NOL4: variants seen among roughly 807,000 people sequenced by gnomAD.
NOL4 encodes the protein cancer/testis antigen 125.
NOL4 carries 17 observed loss-of-function variants against 75.9 expected under a neutral mutation model. That is an observed-to-expected ratio of 0.22 (90% CI 0.15 to 0.34). The LOEUF is 0.34. NOL4 is among the 10% of genes least tolerant of loss of function. The pLI, the probability that NOL4 is intolerant of heterozygous loss-of-function variation, is 1.00. For synonymous variants in NOL4, 292 were observed against 289.9 expected (o/e 1.01, Z -0.07); for missense variants, 614 against 793.5 (o/e 0.77, Z 2.72).
At chr18:34,075,232 A>G (rs76047221) in intron 5 of NOL4, among the ~76,000 whole-genome samples, 5,833 of 152,272 alleles carry the variant, frequency 0.038, 110 homozygotes, top group Middle Eastern at 0.048. Flanking sequence ...CCAAACATGA[A>G]ATTCACTTAT....
intron 1 of NOL4, among the ~76,000 whole-genome samples, chr18:34,143,181 G>A (rs1600714770): frequency 6.6e-6 from 1 of 152,096 alleles, no homozygotes; most frequent in South Asian, 2.1e-4. Flanking sequence ...AGTGCGGAGT[G>A]AAAACAGAAG....
chr18:34,166,954 C>A lies in NOL4; in HGVS notation c.265-36934G>T, dbSNP rs1442586906. Among the ~76,000 whole-genome samples the A allele has an allele frequency of 4.8e-5, 4 of 83,376 alleles. 2 individuals are homozygous for A. The highest frequency in any genetic ancestry group is 8.9e-5 in the African/African-American group (2 of 22,396). 54.7% of individuals were successfully genotyped at this position (83,376 alleles called of 152,430 possible). ...TGGGGAGGCTGAGGCAGGAGAATGGCGTGAACCCGGGAAGCGGAGCTTGCA... is the reference window on the plus strand; with the variant it reads ...TGGGGAGGCTGAGGCAGGAGAATGGAGTGAACCCGGGAAGCGGAGCTTGCA... On this transcript the variant is annotated intron_variant, in intron 1 of 10. Transcript: ENST00000261592.
chr18:34,157,769 T>C (rs868695316), intron 1 of NOL4, among the ~76,000 whole-genome samples: 17 of 152,276 alleles, frequency 1.1e-4, no homozygotes, highest in African/African-American at 3.9e-4. Context: ...GAGCGTCAAA[T>C]TCTTATAAGA....
At chr18:34,039,204 T>A (rs1369261735) in intron 5 of NOL4, among the ~76,000 whole-genome samples, 2 of 152,024 alleles carry the variant, frequency 1.3e-5, no homozygotes, top group African/African-American at 4.8e-5. Context: ...ATATGTCACC[T>A]AATTTTAAGT....
intron 1 of NOL4, among the ~76,000 whole-genome samples, chr18:34,162,992 C>T (rs1568409064): frequency 2.6e-5 from 4 of 152,154 alleles, no homozygotes; most frequent in South Asian, 4.1e-4. Context: ...ACTAAAATCA[C>T]GTGATTATCT....
chr18:34,083,186 T>C (rs1665407163), intron 5 of NOL4, among the ~76,000 whole-genome samples: 1 of 152,202 alleles, frequency 6.6e-6, no homozygotes, highest in Admixed American at 6.5e-5. Flanking sequence ...ATGAGATTCT[T>C]CATAGAGGAA....
chr18:33,981,251 A>G (rs936553588), intron 6 of NOL4, among the ~76,000 whole-genome samples: 1 of 151,596 alleles, frequency 6.6e-6, no homozygotes, highest in Non-Finnish European at 1.5e-5. Context: ...TTAAGATAGG[A>G]AAAAAAGAGA....
At chr18:34,005,652 A>T (rs891671724) in intron 6 of NOL4, among the ~76,000 whole-genome samples, 3 of 152,036 alleles carry the variant, frequency 2.0e-5, no homozygotes, top group African/African-American at 4.8e-5. Flanking sequence ...TGTCTCTTGC[A>T]TCCTCAAACC....
intron 1 of NOL4, among the ~76,000 whole-genome samples, chr18:34,182,881 G>T (rs556559771): frequency 4.6e-5 from 7 of 151,800 alleles, no homozygotes; most frequent in Admixed American, 4.6e-4. Context: ...CATGAAATTT[G>T]ACCATTCTTC....
chr18:33,899,147 A>G (rs1293620289), intron 9 of NOL4, among the ~76,000 whole-genome samples: 1 of 152,116 alleles, frequency 6.6e-6, no homozygotes, highest in Non-Finnish European at 1.5e-5. Context: ...CACAAGTAAC[A>G]ATGTTGTGTT....
intron 5 of NOL4, among the ~76,000 whole-genome samples, chr18:34,028,102 G>T (rs1366186805): frequency 6.6e-6 from 1 of 152,102 alleles, no homozygotes; most frequent in Non-Finnish European, 1.5e-5. Flanking sequence ...CAAATTAAGA[G>T]CTCTCACAAT....
At chr18:34,155,318 G>A (rs1434923481) in intron 1 of NOL4, among the ~76,000 whole-genome samples, 1 of 151,904 alleles carries the variant, frequency 6.6e-6, no homozygotes, top group Non-Finnish European at 1.5e-5. Flanking sequence ...TGATAACTGA[G>A]TTGGAAAATT....
intron 6 of NOL4, among the ~76,000 whole-genome samples, chr18:33,960,083 T>C (rs897372560): frequency 1.3e-5 from 2 of 152,076 alleles, no homozygotes; most frequent in African/African-American, 2.4e-5. Flanking sequence ...CCTAAATAAA[T>C]TGGATACATT....
chr18:34,097,876 A>G (rs2078862593), intron 4 of NOL4, among the ~76,000 whole-genome samples: 1 of 152,216 alleles, frequency 6.6e-6, no homozygotes, highest in East Asian at 1.9e-4. Context: ...AATAATTATC[A>G]TCAAATCATC....
At chr18:34,095,692 A>C (rs1200034916) in intron 4 of NOL4, among the ~76,000 whole-genome samples, 3 of 152,142 alleles carry the variant, frequency 2.0e-5, no homozygotes, top group African/African-American at 7.2e-5. Context: ...AAATGGTTTA[A>C]TATTACTATA....
At position 34,089,967 on chromosome 18, in the gene NOL4, C is replaced by T. The variant is rs1438355065; in HGVS notation, c.772+3498G>A. Reference sequence around the variant, plus strand: ...CACACACGCACAAACACACACACCCCTAATATAGGAAGCTCTAAAAGAAAG... The same window carrying T: ...CACACACGCACAAACACACACACCCTTAATATAGGAAGCTCTAAAAGAAAG... On this transcript the variant is annotated intron_variant, in intron 5 of 10. Coordinates refer to ENST00000261592, the MANE Select transcript of NOL4 (RefSeq NM_003787.5). Among the ~76,000 whole-genome samples the T allele has an allele frequency of 2.6e-5, 4 of 151,814 alleles. No individual in the cohort carries two copies. The East Asian group carries it at 7.7e-4, about 29-fold the overall frequency.
chr18:34,119,305 A>ATGTT (rs1484328123), intron 2 of NOL4, among the ~76,000 whole-genome samples: 1 of 152,168 alleles, frequency 6.6e-6, no homozygotes, highest in Admixed American at 6.5e-5. Flanking sequence ...TGCCTAAATG[A>ATGTT]TGTTTCCAAT....
intron 9 of NOL4, among the ~76,000 whole-genome samples, chr18:33,892,615 T>G (rs1463523928): frequency 6.8e-6 from 1 of 147,692 alleles, no homozygotes; most frequent in Non-Finnish European, 1.5e-5. Flanking sequence ...TTATTCACCA[T>G]GAAGTAATTT....
At chr18:34,194,652 TA>T in intron 1 of NOL4, among the ~76,000 whole-genome samples, 1 of 152,302 alleles carries the variant, frequency 6.6e-6, no homozygotes, top group South Asian at 2.1e-4. Flanking sequence ...TTTCAAGAGC[TA>T]TTATGTTAGC....
Sources: allele counts gnomAD v4.1 joint callset (sites outside exome capture counted in the v4.1 genomes callset), GRCh38; gene constraint gnomAD v4.1.1; transcripts MANE v1.5; gene names NCBI Gene and HGNC (gene_info 2026-07-23, HGNC 2026-07-21).